The following RBFOX1 variants were observed in gnomAD, a reference collection of about 807,000 sequenced individuals.
RBFOX1 encodes RNA binding fox-1 homolog 1, also known as RNA binding protein fox-1 homolog 1.
Under a neutral mutation model 57.7 loss-of-function variants are expected in RBFOX1, and 8 were observed. The observed-to-expected ratio is 0.14, with a 90% CI of 0.08 to 0.25. The LOEUF (loss-of-function observed/expected upper bound fraction) is 0.25, where lower values mean the gene tolerates loss of function less well. Ranked by LOEUF, RBFOX1 falls within the 10% of genes least tolerant of loss-of-function variation. The pLI is 1.00. For missense variants in RBFOX1, 611 were observed against 548.5 expected (o/e 1.11, Z -1.14); for synonymous variants, 326 against 222.4 (o/e 1.47, Z -4.15).
chr16:7,700,112 G>A (rs1013704210), intron 14 of RBFOX1, among the ~76,000 whole-genome samples: 2 of 152,026 alleles, frequency 1.3e-5, no homozygotes, highest in Non-Finnish European at 2.9e-5. Flanking sequence ...CTTTGAGGAT[G>A]GGAGATGCCA....
intron 2 of RBFOX1, among the ~76,000 whole-genome samples, chr16:6,619,848 C>T (rs144657640): frequency 6.6e-6 from 1 of 152,078 alleles, no homozygotes; most frequent in Non-Finnish European, 1.5e-5. Flanking sequence ...TCCTGATTGT[C>T]TCCCTCCTCC....
At chr16:7,196,382 C>A (rs11642443) in intron 4 of RBFOX1, among the ~76,000 whole-genome samples, 2 of 152,122 alleles carry the variant, frequency 1.3e-5, no homozygotes, top group African/African-American at 2.4e-5. Flanking sequence ...CTCCCCAGCC[C>A]CATTTGCCAC....
chr16:5,332,676 T>G (rs1403490714), intron 1 of RBFOX1, among the ~76,000 whole-genome samples: 1 of 151,688 alleles, frequency 6.6e-6, no homozygotes, highest in African/African-American at 2.4e-5. Flanking sequence ...GTATGCATTT[T>G]ATTTTCATTT....
chr16:7,414,170 A>T (rs1448026676), intron 4 of RBFOX1, among the ~76,000 whole-genome samples: 1 of 152,254 alleles, frequency 6.6e-6, no homozygotes, highest in Non-Finnish European at 1.5e-5. Context: ...TTATCCAACA[A>T]GTGTTTCACA....
intron 4 of RBFOX1, among the ~76,000 whole-genome samples, chr16:5,972,633 C>T (rs111776805): frequency 3.7e-4 from 57 of 152,288 alleles, no homozygotes; most frequent in Non-Finnish European, 6.5e-4. Flanking sequence ...AAGGTTCAGG[C>T]ACGTAATGGA....
At chr16:6,418,519 ATTTTT>A (rs567448072) in intron 2 of RBFOX1, among the ~76,000 whole-genome samples, 132 of 100,938 alleles carry the variant, frequency 1.3e-3, no homozygotes, top group Non-Finnish European at 1.6e-3. Flanking sequence ...TGCAAGCCTT[ATTTTT>A]TTTTTTTTTT....
At chr16:6,234,762 G>A (rs971990646) in intron 1 of RBFOX1, among the ~76,000 whole-genome samples, 10 of 152,018 alleles carry the variant, frequency 6.6e-5, no homozygotes, top group Admixed American at 2.6e-4. Flanking sequence ...TTTGGTTGAG[G>A]TTACATGGAT....
intron 3 of RBFOX1, among the ~76,000 whole-genome samples, chr16:5,747,950 C>A (rs1372910689): frequency 6.6e-6 from 1 of 152,062 alleles, no homozygotes; most frequent in East Asian, 1.9e-4. Flanking sequence ...TTCTTTAGTT[C>A]TTTTAATTGT....
upstream of RBFOX1, among the ~76,000 whole-genome samples, chr16:6,016,459 A>C (rs1313315127): frequency 6.6e-6 from 1 of 152,208 alleles, no homozygotes; most frequent in Non-Finnish European, 1.5e-5. Flanking sequence ...AAGAGCCAGG[A>C]GCTGGTAAAC....
intron 2 of RBFOX1, among the ~76,000 whole-genome samples, chr16:6,539,021 G>A (rs189385567): frequency 6.6e-6 from 1 of 151,898 alleles, no homozygotes; most frequent in African/African-American, 2.4e-5. Context: ...ACTGTCTCAT[G>A]TGGAGTGTCC....
At chr16:6,545,323 G>A (rs970401457) in intron 2 of RBFOX1, among the ~76,000 whole-genome samples, 4 of 151,998 alleles carry the variant, frequency 2.6e-5, no homozygotes, top group African/African-American at 7.3e-5. Flanking sequence ...AAACCCAAAC[G>A]TAAAATAAAA....
intron 4 of RBFOX1, among the ~76,000 whole-genome samples, chr16:7,143,049 T>C (rs1034261153): frequency 3.3e-5 from 5 of 152,096 alleles, no homozygotes; most frequent in African/African-American, 9.7e-5. Context: ...ATACTATTGT[T>C]TATGTGTGCA....
At chr16:7,573,760 G>A (rs35607970) in intron 5 of RBFOX1, among the ~76,000 whole-genome samples, 38,631 of 151,682 alleles carry the variant, frequency 0.25, 5,905 homozygotes, top group Non-Finnish European at 0.34. Context: ...GCTTGAACCC[G>A]GGAGGCAGAG....
intron 3 of RBFOX1, among the ~76,000 whole-genome samples, chr16:6,758,875 A>G (rs917702645): frequency 6.6e-6 from 1 of 152,110 alleles, no homozygotes; most frequent in Non-Finnish European, 1.5e-5. Flanking sequence ...ACCTCATCCT[A>G]ATAAAAGTAA....
At chr16:6,540,903 T>C (rs374504874) in intron 2 of RBFOX1, among the ~76,000 whole-genome samples, 1 of 152,284 alleles carries the variant, frequency 6.6e-6, no homozygotes, top group Admixed American at 6.5e-5. Context: ...AAATGTCGTT[T>C]CTCTGACTTC....
At chr16:7,046,897 C>T (rs113171168) in intron 3 of RBFOX1, among the ~76,000 whole-genome samples, 6,035 of 152,034 alleles carry the variant, frequency 0.04, 418 homozygotes, top group African/African-American at 0.14. Context: ...TGAGCCCCTG[C>T]GCCTGGCCTA....
intron 12 of RBFOX1, among the ~76,000 whole-genome samples, chr16:7,660,335 A>G (rs1031501140): frequency 1.3e-5 from 2 of 152,220 alleles, no homozygotes; most frequent in African/African-American, 4.8e-5. Flanking sequence ...TAGACGGACC[A>G]TCTCTGCATT....
intron 1 of RBFOX1, among the ~76,000 whole-genome samples, chr16:6,137,395 C>A (rs898779562): frequency 1.3e-5 from 2 of 152,108 alleles, no homozygotes; most frequent in Non-Finnish European, 2.9e-5. Context: ...GCTGCCTTCT[C>A]CCAGGTTCAA....
chr16:6,470,065 G>A lies in RBFOX1; in HGVS notation c.-64+153008G>A, dbSNP rs560103940. Among the ~76,000 whole-genome samples, 7 of 152,322 alleles carry A rather than the reference G, an allele frequency of 4.6e-5. No homozygotes were observed. In the East Asian group the frequency reaches 1.3e-3, roughly 29 times the overall value. On this transcript the variant is annotated intron_variant, in intron 2 of 15. Coordinates refer to ENST00000550418, the MANE Select transcript of RBFOX1 (RefSeq NM_018723.4). Reference sequence around the variant, plus strand: ...GTCATTAAGTATCTACTTTGTGCCTGATAGACATTTCTTTAACCAGAATGC... The same window carrying A: ...GTCATTAAGTATCTACTTTGTGCCTAATAGACATTTCTTTAACCAGAATGC...
Sources: allele counts gnomAD v4.1 joint callset (sites outside exome capture counted in the v4.1 genomes callset), GRCh38; gene constraint gnomAD v4.1.1; transcripts MANE v1.5; gene names NCBI Gene and HGNC (gene_info 2026-07-23, HGNC 2026-07-21).